The following HCRTR2 variants were observed in gnomAD, a reference collection of about 807,000 sequenced individuals.
The protein encoded by HCRTR2 is orexin receptor type 2.
Under a neutral mutation model 49.0 loss-of-function variants are expected in HCRTR2, and 22 were observed. The ratio of observed to expected loss-of-function variants is 0.45; its 90% CI spans 0.32 to 0.64. The LOEUF is 0.64. Among genes scored for constraint, HCRTR2 ranks in the 30% least tolerant of loss-of-function variants. The pLI, the probability that HCRTR2 is intolerant of heterozygous loss-of-function variation, is 0.04. For synonymous variants in HCRTR2, 236 were observed against 205.3 expected, an observed-to-expected ratio of 1.15 and a Z score of -1.28; for missense variants, 491 against 559.4, an observed-to-expected ratio of 0.88 and a Z score of 1.23.
chr6:55,215,385 A>G (rs1388411191), intron 1 of HCRTR2, among the ~76,000 whole-genome samples: 1 of 152,234 alleles, frequency 6.6e-6, no homozygotes, highest in East Asian at 1.9e-4. Context: ...ACAAAAGCCA[A>G]GGGAATCCAT....
At chr6:55,236,865 A>G (rs1380198285) in intron 1 of HCRTR2, among the ~76,000 whole-genome samples, 1 of 152,086 alleles carries the variant, frequency 6.6e-6, no homozygotes, top group African/African-American at 2.4e-5. Flanking sequence ...ATTCTTAGAT[A>G]ATGTATTTGC....
At chr6:55,134,123 A>G (rs1289492393) in intron 1 of HCRTR2, among the ~76,000 whole-genome samples, 1 of 151,858 alleles carries the variant, frequency 6.6e-6, no homozygotes, top group African/African-American at 2.4e-5. Context: ...GGCAAAACAA[A>G]CTAAGCACAT....
intron 6 of HCRTR2, among the ~76,000 whole-genome samples, chr6:55,282,012 G>C (rs901398629): frequency 1.3e-5 from 2 of 152,040 alleles, no homozygotes; most frequent in Non-Finnish European, 2.9e-5. Flanking sequence ...TATGTGAAAG[G>C]CAGCCTCGTT....
At chr6:55,171,681 A>G (rs1200133613), upstream of HCRTR2, among the ~76,000 whole-genome samples, 1 of 152,220 alleles carries the variant, frequency 6.6e-6, no homozygotes, top group Middle Eastern at 3.2e-3. Flanking sequence ...TAGGATCAAG[A>G]TAAATACAGC....
intron 1 of HCRTR2, among the ~76,000 whole-genome samples, chr6:55,142,188 C>A (rs1237987062): frequency 6.6e-6 from 1 of 151,528 alleles, no homozygotes; most frequent in Non-Finnish European, 1.5e-5. Flanking sequence ...TTCAACTGAC[C>A]ATTTAAAAAA....
At chr6:55,226,388 A>G (rs943889568) in intron 1 of HCRTR2, among the ~76,000 whole-genome samples, 5 of 152,172 alleles carry the variant, frequency 3.3e-5, no homozygotes, top group African/African-American at 1.2e-4. Flanking sequence ...AGCTCACTGC[A>G]ACCTCCGACT....
At chr6:55,261,977 C>A (rs957828490) in intron 3 of HCRTR2, among the ~76,000 whole-genome samples, 1 of 152,062 alleles carries the variant, frequency 6.6e-6, no homozygotes, top group Non-Finnish European at 1.5e-5. Flanking sequence ...GCATTCCCAG[C>A]AACCTGGAGG....
At chr6:55,225,567 G>A (rs957782106) in intron 1 of HCRTR2, among the ~76,000 whole-genome samples, 1 of 152,110 alleles carries the variant, frequency 6.6e-6, no homozygotes, top group African/African-American at 2.4e-5. Flanking sequence ...ACCTGCACAA[G>A]GCATAGAGAA....
chr6:55,165,744 A>AATATATATATATATATATAT (rs56655240), intron 1 of HCRTR2, among the ~76,000 whole-genome samples: 2 of 128,506 alleles, frequency 1.6e-5, no homozygotes, highest in East Asian at 3.0e-4. Flanking sequence ...TAGTATACAG[A>AATATATATATATATATATAT]ATATATATAT....
At chr6:55,115,074 T>C (rs1391217180) in intron 1 of HCRTR2, among the ~76,000 whole-genome samples, 1 of 151,852 alleles carries the variant, frequency 6.6e-6, no homozygotes, top group African/African-American at 2.4e-5. Flanking sequence ...TTTCCAATAG[T>C]GTTTGCAGAA....
Position 55,141,166 on chromosome 6 carries a change from C to G in HCRTR2, c.-377-33045C>G, listed in dbSNP as rs374547128. Among the ~76,000 whole-genome samples the G allele has an allele frequency of 2.6e-4, 35 of 133,148 alleles. 2 individuals carry two copies. The South Asian group carries it at 8.6e-3, about 33-fold the overall frequency. The allele number at this position is 133,148 out of a possible 152,430, so 87.4% of individuals were successfully genotyped here. ...TGGCTAACACGGTGAAATCCCCTCT[C>G]TACTAAAAATACAAAAAAAAAAAAA... On this transcript the variant is annotated intron_variant, in intron 1 of 7. Coordinates refer to the HCRTR2 transcript ENST00000615358.
At chr6:55,216,769 G>A (rs1242244293) in intron 1 of HCRTR2, among the ~76,000 whole-genome samples, 1 of 152,100 alleles carries the variant, frequency 6.6e-6, no homozygotes, top group African/African-American at 2.4e-5. Flanking sequence ...CACACTGCTG[G>A]TGTTTCTATA....
At chr6:55,282,145 CA>C in intron 6 of HCRTR2, 79 bp from the exon 7 acceptor site, 3 of 1,003,540 alleles carry the variant, frequency 3.0e-6, no homozygotes, top group Non-Finnish European at 4.6e-6. Flanking sequence ...CTCAAGGGAG[CA>C]ACTCAGTTGT....
chr6:55,196,503 C>T (rs1765412158), intron 1 of HCRTR2, among the ~76,000 whole-genome samples: 3 of 152,136 alleles, frequency 2.0e-5, no homozygotes. Context: ...ATGGCACGAG[C>T]ATACAAGACC....
chr6:55,181,819 A>C (rs1001002117), intron 1 of HCRTR2, among the ~76,000 whole-genome samples: 17 of 152,238 alleles, frequency 1.1e-4, no homozygotes, highest in Admixed American at 1.0e-3. Flanking sequence ...TGTCTTTGAT[A>C]TGTGATTGTG....
At chr6:55,113,161 G>A (rs1335077809) in intron 1 of HCRTR2, among the ~76,000 whole-genome samples, 1 of 151,860 alleles carries the variant, frequency 6.6e-6, no homozygotes, top group African/African-American at 2.4e-5. Flanking sequence ...TCTAAGACCT[G>A]AAAGCATAAA....
intron 1 of HCRTR2, among the ~76,000 whole-genome samples, chr6:55,136,950 G>T (rs563545158): frequency 6.6e-6 from 1 of 152,142 alleles, no homozygotes; most frequent in East Asian, 1.9e-4. Flanking sequence ...GGCATTGAAG[G>T]GTCTCAAACC....
At chr6:55,112,374 T>A (rs1764060551) in intron 1 of HCRTR2, among the ~76,000 whole-genome samples, 1 of 151,880 alleles carries the variant, frequency 6.6e-6, no homozygotes, top group Non-Finnish European at 1.5e-5. Flanking sequence ...GCCAGTGATA[T>A]GATTGTATAC....
At chr6:55,238,960 T>C (rs1043055072) in intron 1 of HCRTR2, among the ~76,000 whole-genome samples, 22 of 151,998 alleles carry the variant, frequency 1.4e-4, no homozygotes, top group Middle Eastern at 3.4e-3. Context: ...TGCAAAAGGG[T>C]CAAAGAGAAG....
Sources: gnomAD v4.1 joint callset for allele counts (sites outside exome capture counted in the v4.1 genomes callset) on GRCh38, gnomAD v4.1.1 for gene constraint, MANE v1.5 for transcripts, NCBI Gene and HGNC (gene_info 2026-07-23, HGNC 2026-07-21) for gene names.